Variants in HIVEP3 observed in about 807,000 individuals in gnomAD.
HIVEP3 encodes the protein transcription factor HIVEP3.
Under a neutral mutation model 152.8 loss-of-function variants are expected in HIVEP3, and 49 were observed. The ratio of observed to expected loss-of-function variants is 0.32; its 90% CI spans 0.26 to 0.41. The LOEUF is 0.41. HIVEP3 is among the 10% of genes least tolerant of loss of function. The probability of loss-of-function intolerance (pLI) is 1.00; values close to 1 mark genes in which losing one functional copy is unlikely to be tolerated. For missense variants in HIVEP3, 2,790 were observed against 3,103.3 expected (o/e 0.90, Z 2.40); for synonymous variants, 1,269 against 1,289.0 (o/e 0.98, Z 0.33).
intron 5 of HIVEP3, among the ~76,000 whole-genome samples, chr1:41,528,038 A>C (rs1643061617): frequency 1.3e-4 from 2 of 15,054 alleles, no homozygotes; most frequent in Admixed American, 9.4e-4. Flanking sequence ...CTTCACATTC[A>C]CACTCCACAC....
At chr1:41,966,897 A>G (rs1034594326) in intron 1 of HIVEP3, among the ~76,000 whole-genome samples, 5 of 152,182 alleles carry the variant, frequency 3.3e-5, no homozygotes, top group African/African-American at 1.2e-4. Context: ...CAGGGGTTGC[A>G]ATTCTAGTTC....
chr1:41,669,542 A>G (rs1166081854), intron 2 of HIVEP3, among the ~76,000 whole-genome samples: 1 of 152,198 alleles, frequency 6.6e-6, no homozygotes, highest in African/African-American at 2.4e-5. Flanking sequence ...CATCCAATCT[A>G]CTGAAGACCT....
At chr1:41,844,256 A>G (rs1643372348) in intron 1 of HIVEP3, among the ~76,000 whole-genome samples, 1 of 152,226 alleles carries the variant, frequency 6.6e-6, no homozygotes, top group African/African-American at 2.4e-5. Context: ...GAAAGGGAGC[A>G]GCACACTAAA....
At chr1:41,564,183 C>T (rs753817975) in intron 5 of HIVEP3, among the ~76,000 whole-genome samples, 25 of 149,352 alleles carry the variant, frequency 1.7e-4, no homozygotes, top group Non-Finnish European at 3.2e-4. Flanking sequence ...CAGAGCAAGA[C>T]TCCATCTCAA....
chr1:41,872,582 T>A (rs1372081751), intron 1 of HIVEP3, among the ~76,000 whole-genome samples: 2 of 152,256 alleles, frequency 1.3e-5, no homozygotes, highest in Admixed American at 1.3e-4. Context: ...AAGGCAACCA[T>A]AGTTTTGACA....
intron 2 of HIVEP3, among the ~76,000 whole-genome samples, chr1:41,636,600 T>C (rs1378078059): frequency 6.6e-6 from 1 of 152,216 alleles, no homozygotes; most frequent in East Asian, 1.9e-4. Context: ...GTAATAAGCA[T>C]CCACAAAACA....
At chr1:41,972,674 G>A (rs1645236495) in intron 1 of HIVEP3, among the ~76,000 whole-genome samples, 1 of 152,164 alleles carries the variant, frequency 6.6e-6, no homozygotes, top group Admixed American at 6.5e-5. Context: ...GAGCTTCAAA[G>A]GATAAATAGG....
chr1:41,965,192 A>C (rs1645190928), intron 1 of HIVEP3, among the ~76,000 whole-genome samples: 1 of 152,238 alleles, frequency 6.6e-6, no homozygotes, highest in Non-Finnish European at 1.5e-5. Context: ...ACTACTAAAA[A>C]ACAAAGAGAA....
chr1:41,917,721 T>C (rs879365965), intron 1 of HIVEP3, among the ~76,000 whole-genome samples: 2 of 152,070 alleles, frequency 1.3e-5, no homozygotes, highest in Admixed American at 1.3e-4. Flanking sequence ...GGGGACACTC[T>C]CTCTGCTAGC....
At chr1:41,630,254 G>C (rs567845395) in intron 2 of HIVEP3, among the ~76,000 whole-genome samples, 63 of 152,202 alleles carry the variant, frequency 4.1e-4, no homozygotes, top group African/African-American at 1.5e-3. Context: ...AGATGGGAAC[G>C]ACAGACACTA....
intron 1 of HIVEP3, among the ~76,000 whole-genome samples, chr1:41,821,131 G>A (rs540781278): frequency 1.7e-4 from 26 of 152,282 alleles, no homozygotes; most frequent in Non-Finnish European, 2.9e-4. Flanking sequence ...TGACTGATAG[G>A]TGACTCCAGC....
At chr1:41,870,921 A>C (rs1377529623) in intron 1 of HIVEP3, among the ~76,000 whole-genome samples, 1 of 152,212 alleles carries the variant, frequency 6.6e-6, no homozygotes, top group Non-Finnish European at 1.5e-5. Flanking sequence ...CAAATCTGTA[A>C]ATTGAGAATA....
chr1:41,955,803 T>C (rs1267157654), intron 1 of HIVEP3, among the ~76,000 whole-genome samples: 3 of 152,184 alleles, frequency 2.0e-5, no homozygotes, highest in East Asian at 1.9e-4. Flanking sequence ...AAATTGTGAA[T>C]GGACAGAGGA....
intron 1 of HIVEP3, among the ~76,000 whole-genome samples, chr1:41,824,127 C>A (rs1049488071): frequency 1.1e-4 from 16 of 152,102 alleles, no homozygotes; most frequent in African/African-American, 3.6e-4. Flanking sequence ...GCTTGCATAT[C>A]ATATTCCCAT....
At chr1:41,661,974 C>T (rs549728930) in intron 2 of HIVEP3, among the ~76,000 whole-genome samples, 22 of 152,238 alleles carry the variant, frequency 1.4e-4, no homozygotes, top group Admixed American at 1.4e-3. Context: ...CCAAGGGTCC[C>T]GGGAGTTGGC....
intron 1 of HIVEP3, among the ~76,000 whole-genome samples, chr1:41,938,897 T>C (rs879098203): frequency 7.9e-5 from 12 of 152,230 alleles, no homozygotes; most frequent in Non-Finnish European, 1.6e-4. Context: ...ATGAGGCTGA[T>C]TGAAATGCTG....
intron 1 of HIVEP3, among the ~76,000 whole-genome samples, chr1:42,010,620 A>G (rs1037600479): frequency 1.3e-5 from 2 of 151,976 alleles, no homozygotes; most frequent in Non-Finnish European, 2.9e-5. Flanking sequence ...CTCTGGCTCT[A>G]CCCTCAGGAT....
intron 1 of HIVEP3, among the ~76,000 whole-genome samples, chr1:42,011,801 T>G (rs1645493347): frequency 6.6e-6 from 1 of 152,254 alleles, no homozygotes. Flanking sequence ...TCCATCTGCC[T>G]CTTTGCTATT....
intron 1 of HIVEP3, among the ~76,000 whole-genome samples, chr1:41,903,859 T>C (rs1644665968): frequency 6.6e-6 from 1 of 151,934 alleles, no homozygotes; most frequent in African/African-American, 2.4e-5. Flanking sequence ...GACCATTTCC[T>C]GCCCAGCACA....
Sources: gnomAD v4.1 joint callset for allele counts (sites outside exome capture counted in the v4.1 genomes callset) on GRCh38, gnomAD v4.1.1 for gene constraint, MANE v1.5 for transcripts, NCBI Gene and HGNC (gene_info 2026-07-23, HGNC 2026-07-21) for gene names.